The following PSPC1 variants were observed in gnomAD, a reference collection of about 807,000 sequenced individuals.
PSPC1 encodes paraspeckle component 1, also known as paraspeckle protein 1.
Under a neutral mutation model 51.6 loss-of-function variants are expected in PSPC1, and 14 were observed. That is an observed-to-expected ratio of 0.27 (90% CI 0.18 to 0.42). The LOEUF (loss-of-function observed/expected upper bound fraction) is 0.42, where lower values mean the gene tolerates loss of function less well. Among genes scored for constraint, PSPC1 ranks in the 10% least tolerant of loss-of-function variants. PSPC1 has a pLI of 1.00. For synonymous variants in PSPC1, 193 were observed against 231.9 expected, an observed-to-expected ratio of 0.83 and a Z score of 1.53; for missense variants, 406 against 701.1, an observed-to-expected ratio of 0.58 and a Z score of 4.75.
At chr13:19,770,218 A>T (rs1434966001) in intron 2 of PSPC1, among the ~76,000 whole-genome samples, 1 of 152,176 alleles carries the variant, frequency 6.6e-6, no homozygotes, top group African/African-American at 2.4e-5. Flanking sequence ...AAAACACAAA[A>T]CTTATTTATA....
intron 4 of PSPC1, among the ~76,000 whole-genome samples, chr13:19,742,090 C>T (rs1041388651): frequency 6.6e-6 from 1 of 152,004 alleles, no homozygotes; most frequent in Non-Finnish European, 1.5e-5. Context: ...TGAGATTGTG[C>T]CACTGCACTC....
chr13:19,764,333 G>A (rs549819995), intron 2 of PSPC1, among the ~76,000 whole-genome samples: 1 of 151,966 alleles, frequency 6.6e-6, no homozygotes, highest in Non-Finnish European at 1.5e-5. Context: ...ATGTAAAATG[G>A]CACCATTTTA....
chr13:19,730,946 G>GAAAAAA (rs1168386647), intron 5 of PSPC1, among the ~76,000 whole-genome samples: 300 of 24,998 alleles, frequency 0.012, 19 homozygotes, highest in Non-Finnish European at 0.022. Flanking sequence ...CCCTGTCTCA[G>GAAAAAA]AAAAAAAAAA....
intron 6 of PSPC1, among the ~76,000 whole-genome samples, chr13:19,727,539 A>G (rs908087093): frequency 4.6e-5 from 7 of 152,234 alleles, no homozygotes; most frequent in African/African-American, 1.7e-4. Context: ...GGACGTTTGG[A>G]TATTTTTATG....
chr13:19,693,844 C>T (rs946190978), intron 6 of PSPC1, among the ~76,000 whole-genome samples: 14 of 152,066 alleles, frequency 9.2e-5, no homozygotes, highest in African/African-American at 2.7e-4. Flanking sequence ...TTAAACTTGG[C>T]CAGGCGCGGT....
At chr13:19,741,695 A>G (rs373882837) in intron 4 of PSPC1, 46 bp from the exon 5 acceptor site, 75 of 1,255,188 alleles carry the variant, frequency 6.0e-5, no homozygotes, top group Non-Finnish European at 8.1e-5. Flanking sequence ...TTCCCTTTCC[A>G]TATTTTTATA....
At chr13:19,747,162 T>C (rs1393694119) in intron 4 of PSPC1, among the ~76,000 whole-genome samples, 1 of 152,168 alleles carries the variant, frequency 6.6e-6, no homozygotes, top group Non-Finnish European at 1.5e-5. Context: ...CATGCATATA[T>C]ATTCTTTGCA....
At chr13:19,736,033 G>A (rs1884745814) in intron 5 of PSPC1, among the ~76,000 whole-genome samples, 1 of 151,982 alleles carries the variant, frequency 6.6e-6, no homozygotes, top group Admixed American at 6.6e-5. Context: ...TGTTAGCTAG[G>A]ATGGTCTCGA....
intron 2 of PSPC1, among the ~76,000 whole-genome samples, chr13:19,765,526 G>GT (rs1199505519): frequency 6.8e-6 from 1 of 147,196 alleles, no homozygotes; most frequent in African/African-American, 2.5e-5. Context: ...TGAGAGACGG[G>GT]TCTCACGACG....
At chr13:19,765,526 G>A (rs1887994174) in intron 2 of PSPC1, among the ~76,000 whole-genome samples, 1 of 147,196 alleles carries the variant, frequency 6.8e-6, no homozygotes, top group Non-Finnish European at 1.5e-5. Flanking sequence ...TGAGAGACGG[G>A]TCTCACGACG....
intron 3 of PSPC1, among the ~76,000 whole-genome samples, chr13:19,752,999 G>A (rs566184822): frequency 1.1e-4 from 16 of 151,772 alleles, no homozygotes; most frequent in African/African-American, 1.9e-4. Flanking sequence ...ACTCACTGCC[G>A]AGACTGGGCA....
intron 3 of PSPC1, among the ~76,000 whole-genome samples, chr13:19,754,732 G>A (rs1253240842): frequency 5.3e-5 from 8 of 151,880 alleles, no homozygotes; most frequent in Admixed American, 3.9e-4. Context: ...GAGCCACCAC[G>A]CCCAGCCATA....
intron 6 of PSPC1, among the ~76,000 whole-genome samples, chr13:19,710,153 C>CTA: frequency 6.6e-6 from 1 of 152,078 alleles, no homozygotes; most frequent in Non-Finnish European, 1.5e-5. Context: ...CATCCAGGGA[C>CTA]TATAGATAGC....
intron 1 of PSPC1, among the ~76,000 whole-genome samples, chr13:19,778,172 G>A (rs1889378810): frequency 6.6e-6 from 1 of 151,908 alleles, no homozygotes; most frequent in Admixed American, 6.6e-5. Flanking sequence ...AACCCAGGAG[G>A]TGGAGGTTGC....
In PSPC1 at chr13:19,782,654, G is replaced by A. The variant is rs1020629304; in HGVS notation, c.104C>T (p.Ala35Val). ...CCCGGCAAGAGCGAGCGCCATGGCT[G>A]CCGCGGCCGCCGGCTCGCTCTCGCC... ...AVGESEPAAAAAMALALAGEP... is the reference protein window; with the variant it reads ...AVGESEPAAAVAMALALAGEP... Residue 35 changes from alanine to valine, a missense_variant, in exon 1 of 9, where the codon GCA becomes GTA. Around this residue, in one of 5 missense-constraint regions of PSPC1, gnomAD observed 128 missense variants for 107.1 expected, o/e 1.20. Coordinates refer to ENST00000338910, the MANE Select transcript of PSPC1 (RefSeq NM_001354909.2). The surrounding 1 kb of genome is among the most constrained non-coding windows in gnomAD (Gnocchi z 4.5). The A allele has an allele frequency of 6.4e-7, 1 of 1,551,208 alleles. No individual in the cohort carries two copies. The highest frequency in any genetic ancestry group is 8.6e-7 in the Non-Finnish European group (1 of 1,158,316).
At chr13:19,676,332 G>T (rs549731015) in intron 7 of PSPC1, among the ~76,000 whole-genome samples, 27 of 152,168 alleles carry the variant, frequency 1.8e-4, no homozygotes, top group Non-Finnish European at 3.5e-4. Context: ...TGAGGGTGTG[G>T]CTTGAGAATG....
intron 6 of PSPC1, among the ~76,000 whole-genome samples, chr13:19,680,281 C>CT (rs1326193533): frequency 1.3e-5 from 2 of 152,192 alleles, no homozygotes; most frequent in African/African-American, 4.8e-5. Context: ...TCCCAAAGTG[C>CT]TGGGATTATA....
At chr13:19,729,149 C>T (rs919784272) in intron 6 of PSPC1, among the ~76,000 whole-genome samples, 1 of 151,898 alleles carries the variant, frequency 6.6e-6, no homozygotes, top group Non-Finnish European at 1.5e-5. Flanking sequence ...TTCAAGTATG[C>T]GATACATACT....
chr13:19,672,916 T>TG (rs1876217077), downstream of PSPC1: 4 of 362,070 alleles, frequency 1.1e-5, no homozygotes, highest in Non-Finnish European at 1.6e-5. Flanking sequence ...CTGGGTAACA[T>TG]GGGGTGGAAC....
Sources: gnomAD v4.1 joint callset for allele counts (sites outside exome capture counted in the v4.1 genomes callset) on GRCh38, gnomAD v4.1.1 for gene constraint, gnomAD v4.1.1 regional missense constraint, Gnocchi (gnomAD v3.1) non-coding constraint, MANE v1.5 for transcripts, NCBI Gene and HGNC (gene_info 2026-07-23, HGNC 2026-07-21) for gene names.